Variants in MGMT observed in about 807,000 individuals in gnomAD.
The protein encoded by MGMT is O-6-methylguanine-DNA methyltransferase.
MGMT carries 14 observed loss-of-function variants against 15.9 expected under a neutral mutation model. The ratio of observed to expected loss-of-function variants is 0.88; its 90% CI spans 0.58 to 1.37. The LOEUF (loss-of-function observed/expected upper bound fraction) is 1.37. Among genes scored for constraint, MGMT ranks in the 40% most tolerant of loss-of-function variants. The pLI is 0.00. For synonymous variants in MGMT, 130 were observed against 118.2 expected, an observed-to-expected ratio of 1.10 and a Z score of -0.65; for missense variants, 282 against 268.1, an observed-to-expected ratio of 1.05 and a Z score of -0.36.
rs552557810 is a variant in MGMT at position 129,472,754 on chromosome 10, G to T, written c.-13+5458G>T. ...GGCGGTTGGTGTTTGCGGATGCAGAGTCGCTCTGTTTTGGTGGAGGCAGGA... is the reference window on the plus strand; with the variant it reads ...GGCGGTTGGTGTTTGCGGATGCAGATTCGCTCTGTTTTGGTGGAGGCAGGA... On this transcript the variant is annotated intron_variant, in intron 1 of 4. Coordinates refer to ENST00000651593, the MANE Select transcript of MGMT (RefSeq NM_002412.5). Among the ~76,000 whole-genome samples the T allele has an allele frequency of 1.4e-4, 21 of 152,350 alleles. No individual in the cohort carries two copies. The South Asian group carries it at 4.3e-3, about 32-fold the overall frequency.
At position 129,708,030 on chromosome 10, in the gene MGMT, C is replaced by A; in HGVS notation, c.261C>A (p.Pro87=). ...TCCCCGTGCCGGCTCTTCACCATCCCGTTTTCCAGCAAGGTCGGTAACTAA... is the reference window on the plus strand; with the variant it reads ...TCCCCGTGCCGGCTCTTCACCATCCAGTTTTCCAGCAAGGTCGGTAACTAA... ...EEFPVPALHH[P]VFQQESFTRQ... is the part of the protein sequence containing the mutation. Residue 87 remains proline (P), a synonymous_variant, in exon 3 of 5, where the codon CCC becomes CCA. Transcript: ENST00000651593. 6.2e-7 allele frequency: 1 copy of A among 1,612,434 alleles called. No homozygotes were observed. The highest frequency in any genetic ancestry group is 8.5e-7 in the Non-Finnish European group (1 of 1,179,336).
intron 2 of MGMT, among the ~76,000 whole-genome samples, chr10:129,626,333 G>A (rs926619466): frequency 2.6e-5 from 4 of 152,140 alleles, no homozygotes; most frequent in Non-Finnish European, 5.9e-5. Context: ...TAATTTATTC[G>A]TGTCTCGTAA....
At chr10:129,616,546 G>T (rs756242173) in intron 2 of MGMT, among the ~76,000 whole-genome samples, 1 of 152,154 alleles carries the variant, frequency 6.6e-6, no homozygotes, top group Non-Finnish European at 1.5e-5. Context: ...GGCCGGCCAG[G>T]CCCCTGGATT....
intron 2 of MGMT, among the ~76,000 whole-genome samples, chr10:129,677,705 G>C (rs1315170390): frequency 2.6e-5 from 4 of 152,246 alleles, no homozygotes; most frequent in Non-Finnish European, 2.9e-5. Flanking sequence ...TGCTCTGTCT[G>C]CTGGGAGGAG....
chr10:129,492,820 A>G (rs1402953794), intron 1 of MGMT, among the ~76,000 whole-genome samples: 1 of 152,222 alleles, frequency 6.6e-6, no homozygotes, highest in African/African-American at 2.4e-5. Flanking sequence ...CTGTGGGAAC[A>G]TTGGGCTGCC....
chr10:129,698,240 G>T (rs144978454), intron 2 of MGMT, among the ~76,000 whole-genome samples: 22 of 152,286 alleles, frequency 1.4e-4, no homozygotes, highest in African/African-American at 5.3e-4. Flanking sequence ...GCTACTCTGG[G>T]CTGTGTGCGT....
At chr10:129,574,221 C>A (rs1351005027) in intron 2 of MGMT, among the ~76,000 whole-genome samples, 2 of 152,200 alleles carry the variant, frequency 1.3e-5, no homozygotes, top group Non-Finnish European at 2.9e-5. Context: ...AAAAAACTAT[C>A]ACTTTAAAAG....
At position 129,707,356 on chromosome 10, in the gene MGMT, G is replaced by A. The variant is rs578128405; in HGVS notation, c.126-539G>A. Among the ~76,000 whole-genome samples the A allele has an allele frequency of 6.6e-5, 10 of 152,036 alleles. No homozygotes were observed. In the East Asian group the frequency reaches 7.8e-4, roughly 12 times the overall value. Reference sequence around the variant, plus strand: ...GCACACGAGGCACAGGGCTGCCCCCGAGAGGACAGACTCACCGATGAAGGA... The same window carrying A: ...GCACACGAGGCACAGGGCTGCCCCCAAGAGGACAGACTCACCGATGAAGGA... On this transcript the variant is annotated intron_variant, in intron 2 of 4. Coordinates refer to ENST00000651593, the MANE Select transcript of MGMT (RefSeq NM_002412.5).
intron 3 of MGMT, among the ~76,000 whole-genome samples, chr10:129,742,250 T>A (rs183534139): frequency 1.3e-5 from 2 of 152,332 alleles, no homozygotes; most frequent in East Asian, 3.9e-4. Flanking sequence ...ACTCCCTTTT[T>A]TCTTAAAAGT....
intron 1 of MGMT, among the ~76,000 whole-genome samples, chr10:129,524,516 T>TA (rs1845847269): frequency 2.6e-5 from 4 of 151,328 alleles, no homozygotes; most frequent in Non-Finnish European, 5.9e-5. Context: ...ACATGGCAAG[T>TA]GGTAAAGCCT....
chr10:129,715,588 A>G (rs937512514), intron 3 of MGMT: 1 of 152,236 alleles, frequency 6.6e-6, no homozygotes, highest in Admixed American at 6.5e-5. Context: ...TCATAAATGC[A>G]CATTCATGTT....
chr10:129,531,679 G>C (rs1845933533), intron 1 of MGMT, among the ~76,000 whole-genome samples: 1 of 151,610 alleles, frequency 6.6e-6, no homozygotes, highest in East Asian at 2.0e-4. Flanking sequence ...CAAATGCTCT[G>C]GTTGTCTACC....
intron 2 of MGMT, among the ~76,000 whole-genome samples, chr10:129,657,693 ACACACACACACACG>A (rs1465937042): frequency 2.1e-5 from 3 of 143,846 alleles, no homozygotes; most frequent in Admixed American, 1.4e-4. Context: ...ACACACACAC[ACACACACACACACG>A]CACACACACA....
At position 129,581,969 on chromosome 10, in the gene MGMT, G is replaced by A. The variant is rs572345190; in HGVS notation, c.125+45592G>A. Among the ~76,000 whole-genome samples, 15 of 152,328 alleles carry A rather than the reference G, an allele frequency of 9.8e-5. No individual in the cohort carries two copies. In the East Asian group the frequency reaches 2.3e-3, roughly 24 times the overall value. On this transcript the variant is annotated intron_variant, in intron 2 of 4. Coordinates refer to ENST00000651593, the MANE Select transcript of MGMT (RefSeq NM_002412.5). Reference sequence around the variant, plus strand: ...GCCTGGCCGGCGTCTTGTAGGAGGCGCTCTGCCTGTCTGTGCAGGAGGCTG... The same window carrying A: ...GCCTGGCCGGCGTCTTGTAGGAGGCACTCTGCCTGTCTGTGCAGGAGGCTG...
intron 3 of MGMT, among the ~76,000 whole-genome samples, chr10:129,719,289 A>C (rs747357321): frequency 2.6e-5 from 4 of 152,198 alleles, no homozygotes; most frequent in Non-Finnish European, 4.4e-5. Context: ...GCTCAGATAT[A>C]CTGTCACCAT....
rs145623040 is a variant in MGMT, at chr10:129,550,235, C to T, written c.125+13858C>T. 5.8e-3 allele frequency among the ~76,000 whole-genome samples: 876 copies of T among 152,172 alleles called. 3 individuals are homozygous for T. The highest frequency in any genetic ancestry group is 8.6e-3 in the Non-Finnish European group (583 of 67,998). On this transcript the variant is annotated intron_variant, in intron 2 of 4. Transcript: ENST00000651593. ...CACAATGTTCCGCAGCCATCACCGC[C>T]GCCCAGCACTGGCATGTTTCACAGT...
intron 2 of MGMT, among the ~76,000 whole-genome samples, chr10:129,568,640 CT>C (rs1385773554): frequency 1.3e-5 from 2 of 152,124 alleles, no homozygotes; most frequent in Non-Finnish European, 2.9e-5. Flanking sequence ...GGTAAAATAT[CT>C]TTTAAAGTCT....
At chr10:129,634,612 A>G (rs1439652370) in intron 2 of MGMT, among the ~76,000 whole-genome samples, 1 of 151,702 alleles carries the variant, frequency 6.6e-6, no homozygotes. Flanking sequence ...GCAGTGTCTA[A>G]TCTATTATTT....
At chr10:129,557,308 T>C (rs1018104735) in intron 2 of MGMT, among the ~76,000 whole-genome samples, 3 of 152,194 alleles carry the variant, frequency 2.0e-5, no homozygotes, top group Admixed American at 6.5e-5. Context: ...CTTCTTGGGC[T>C]TTTTCTTTGA....
Sources: allele counts gnomAD v4.1 joint callset (sites outside exome capture counted in the v4.1 genomes callset), GRCh38; gene constraint gnomAD v4.1.1; transcripts MANE v1.5; gene names NCBI Gene and HGNC (gene_info 2026-07-23, HGNC 2026-07-21).